The following AKR1D1 variants were observed in gnomAD, a reference collection of about 807,000 sequenced individuals.
The protein encoded by AKR1D1 is delta(4)-3-ketosteroid 5-beta-reductase.
AKR1D1 carries 32 observed loss-of-function variants against 42.6 expected under a neutral mutation model. That is an observed-to-expected ratio of 0.75 (90% confidence interval 0.57 to 1.01). The LOEUF is 1.01. Among genes scored for constraint, AKR1D1 ranks in the 50% least tolerant of loss-of-function variants. The pLI, the probability that AKR1D1 is intolerant of heterozygous loss-of-function variation, is 0.00. For synonymous variants in AKR1D1, 123 were observed against 135.5 expected (o/e 0.91, Z 0.64); for missense variants, 364 against 402.2 (o/e 0.91, Z 0.81).
At chr7:138,108,741 AG>A (rs893950219) in intron 7 of AKR1D1, among the ~76,000 whole-genome samples, 4 of 152,212 alleles carry the variant, frequency 2.6e-5, no homozygotes, top group African/African-American at 7.2e-5. Context: ...TTGTACAAAA[AG>A]GTGTCTATAG....
rs1370244737 is a variant in AKR1D1, at chr7:138,082,878, TACC to T, written c.94-5720_94-5718del. ...GCTGAATAATATTACATTGTCTATGTACCACATTTTCTTTACCTGCTCATCTGT... is the reference window on the plus strand; with the variant it reads ...GCTGAATAATATTACATTGTCTATGTACATTTTCTTTACCTGCTCATCTGT... On this transcript the variant is annotated intron_variant, in intron 1 of 8. Coordinates refer to ENST00000242375, the MANE Select transcript of AKR1D1 (RefSeq NM_005989.4). Among the ~76,000 whole-genome samples, 5 of 152,238 alleles carry T rather than the reference TACC, an allele frequency of 3.3e-5. No homozygotes were observed. In the South Asian group the frequency reaches 1.0e-3, roughly 32 times the overall value.
At chr7:138,076,688 T>C in intron 1 of AKR1D1, 77 bp downstream of exon 1, 1 of 1,217,322 alleles carries the variant, frequency 8.2e-7, no homozygotes, top group East Asian at 2.4e-5. Context: ...TGCAATTTAT[T>C]TTAAGCAGAT....
chr7:138,089,890 C>T (rs1038330848), intron 2 of AKR1D1, among the ~76,000 whole-genome samples: 1 of 152,098 alleles, frequency 6.6e-6, no homozygotes, highest in African/African-American at 2.4e-5. Context: ...TGCAAGGTTG[C>T]CCAGGTCAGA....
chr7:138,103,585 G>A (rs1794359033), intron 4 of AKR1D1, among the ~76,000 whole-genome samples: 1 of 151,852 alleles, frequency 6.6e-6, no homozygotes, highest in African/African-American at 2.4e-5. Flanking sequence ...CAATTTAAAA[G>A]GAGGCACCTA....
intron 7 of AKR1D1, among the ~76,000 whole-genome samples, chr7:138,107,922 G>A (rs908895922): frequency 2.0e-5 from 3 of 151,646 alleles, no homozygotes; most frequent in South Asian, 2.1e-4. Flanking sequence ...GTCTTCAAGC[G>A]ATCCTTCCAC....
At chr7:138,107,291 C>T (rs566463666) in intron 6 of AKR1D1, 124 bp from the exon 7 acceptor site, 29 of 993,690 alleles carry the variant, frequency 2.9e-5, no homozygotes, top group Non-Finnish European at 3.2e-5. Flanking sequence ...AAACTGGTTA[C>T]AGGTGACCTG....
At chr7:138,095,066 G>A (rs1024546742) in intron 3 of AKR1D1, among the ~76,000 whole-genome samples, 1 of 152,152 alleles carries the variant, frequency 6.6e-6, no homozygotes, top group Non-Finnish European at 1.5e-5. Context: ...AAGAGACAAA[G>A]AGGCTTATCG....
rs139096982 is a variant in AKR1D1, at chr7:138,105,901, C to A, written c.579+472C>A. On this transcript the variant is annotated intron_variant, in intron 5 of 8. Coordinates refer to ENST00000242375, the MANE Select transcript of AKR1D1 (RefSeq NM_005989.4). The stretch of plus-strand genomic sequence containing the variant: ...CTTCGTCTAACAACAACAACAACAA[C>A]AAAAAAAAATCTAATGAAAATCAAT... Among the ~76,000 whole-genome samples the A allele has an allele frequency of 9.3e-3, 1,270 of 135,988 alleles. 16 individuals are homozygous for A. Among genetic ancestry groups the A allele is most frequent in the Middle Eastern group, 0.015 (4 of 272 alleles). 89.2% of individuals were successfully genotyped at this position (135,988 alleles called of 152,430 possible).
At chr7:138,100,933 T>G (rs918681611) in intron 4 of AKR1D1, among the ~76,000 whole-genome samples, 2 of 152,002 alleles carry the variant, frequency 1.3e-5, no homozygotes, top group Admixed American at 1.3e-4. Flanking sequence ...CTTGATCTCC[T>G]GACCTTGTGA....
At chr7:138,081,083 T>A (rs1803046259) in intron 1 of AKR1D1, among the ~76,000 whole-genome samples, 1 of 152,196 alleles carries the variant, frequency 6.6e-6, no homozygotes. Flanking sequence ...AAAACATAGA[T>A]CATCCGTGGA....
intron 7 of AKR1D1, among the ~76,000 whole-genome samples, chr7:138,111,279 A>G (rs1043480690): frequency 2.2e-4 from 34 of 152,138 alleles, no homozygotes; most frequent in African/African-American, 8.2e-4. Flanking sequence ...TTTCCTCTCC[A>G]AGTATTATCC....
intron 5 of AKR1D1, among the ~76,000 whole-genome samples, chr7:138,106,273 T>A (rs376346431): frequency 1.3e-5 from 2 of 152,150 alleles, no homozygotes; most frequent in African/African-American, 4.8e-5. Context: ...TAAAAAAATA[T>A]CAGAATGCCT....
chr7:138,084,811 A>C (rs10259580), intron 1 of AKR1D1, among the ~76,000 whole-genome samples: 1 of 152,048 alleles, frequency 6.6e-6, no homozygotes, highest in East Asian at 1.9e-4. Context: ...TAATCCCAAC[A>C]CTTTGGGAGG....
intron 1 of AKR1D1, among the ~76,000 whole-genome samples, chr7:138,084,037 T>C (rs1024031995): frequency 2.6e-5 from 4 of 152,142 alleles, no homozygotes; most frequent in East Asian, 1.9e-4. Flanking sequence ...CCAGTGACGA[T>C]GTGAAACTGG....
chr7:138,076,687 T>C (rs2117404952), intron 1 of AKR1D1, 76 bp downstream of exon 1: 2 of 1,247,472 alleles, frequency 1.6e-6, no homozygotes, highest in South Asian at 1.2e-5. Context: ...CTGCAATTTA[T>C]TTTAAGCAGA....
chr7:138,100,699 C>CTTTTTTTTT (rs749956421), intron 4 of AKR1D1, among the ~76,000 whole-genome samples: 7 of 88,392 alleles, frequency 7.9e-5, no homozygotes, highest in African/African-American at 1.8e-4. Context: ...GTCAGAGATT[C>CTTTTTTTTT]TTTTTTTTTT....
intron 4 of AKR1D1, among the ~76,000 whole-genome samples, chr7:138,098,674 G>A (rs188121108): frequency 2.1e-4 from 32 of 152,226 alleles, no homozygotes; most frequent in Admixed American, 1.3e-3. Flanking sequence ...GAAAGCTGCT[G>A]GCTCTTTTCC....
chr7:138,114,434 C>T (rs1041469366), intron 8 of AKR1D1, among the ~76,000 whole-genome samples: 6 of 151,920 alleles, frequency 3.9e-5, no homozygotes, highest in Non-Finnish European at 7.4e-5. Context: ...CTAAGGTGGG[C>T]GGATCACCTT....
intron 7 of AKR1D1, 40 bp from the exon 8 acceptor site, chr7:138,113,650 C>T (rs1313820830): frequency 1.3e-6 from 2 of 1,580,550 alleles, no homozygotes; most frequent in African/African-American, 2.7e-5. Context: ...TGATCCCAAG[C>T]TTGACCTTCA....
Sources: allele counts gnomAD v4.1 joint callset (sites outside exome capture counted in the v4.1 genomes callset), GRCh38; gene constraint gnomAD v4.1.1; transcripts MANE v1.5; gene names NCBI Gene and HGNC (gene_info 2026-07-23, HGNC 2026-07-21).